MBOAT1: variants seen among roughly 807,000 people sequenced by gnomAD.
The protein encoded by MBOAT1 is membrane bound glycerophospholipid O-acyltransferase 1.
MBOAT1 carries 67 observed loss-of-function variants against 64.4 expected under a neutral mutation model. The ratio of observed to expected loss-of-function variants is 1.04; its 90% CI spans 0.85 to 1.27. The LOEUF is 1.27. Ranked by LOEUF, MBOAT1 falls within the 50% of genes most tolerant of loss-of-function variation. MBOAT1 has a pLI of 0.00. For synonymous variants in MBOAT1, 229 were observed against 218.9 expected (o/e 1.05, Z -0.41); for missense variants, 563 against 604.6 (o/e 0.93, Z 0.72).
At chr6:20,201,575 G>T (rs1177557044) in intron 1 of MBOAT1, among the ~76,000 whole-genome samples, 2 of 149,212 alleles carry the variant, frequency 1.3e-5, no homozygotes, top group African/African-American at 5.0e-5. Flanking sequence ...TATCTAATCA[G>T]ATAAGTGATT....
intron 4 of MBOAT1, among the ~76,000 whole-genome samples, chr6:20,140,716 T>C (rs1761144582): frequency 6.6e-6 from 1 of 152,306 alleles, no homozygotes; most frequent in African/African-American, 2.4e-5. Context: ...AGCTCACAGA[T>C]GGCAGATGGT....
chr6:20,114,318 TA>T (rs1760257483), intron 10 of MBOAT1, among the ~76,000 whole-genome samples: 1 of 152,206 alleles, frequency 6.6e-6, no homozygotes, highest in Non-Finnish European at 1.5e-5. Context: ...TATCACTAGG[TA>T]GAAGAGCTTG....
At chr6:20,104,446 A>T (rs943441091) in intron 12 of MBOAT1, among the ~76,000 whole-genome samples, 1 of 152,234 alleles carries the variant, frequency 6.6e-6, no homozygotes, top group Non-Finnish European at 1.5e-5. Context: ...TAAAAAAAAC[A>T]AGTTTTGCTT....
rs1763471724 is a variant in MBOAT1, at chr6:20,212,462, T to G, written c.-228A>C. Reference sequence around the variant, plus strand: ...GCTGGCGCTGCAGCCACGGGCGCCGTAGGAGGGCCGGGCCCAAGGCGCCCC... The same window carrying G: ...GCTGGCGCTGCAGCCACGGGCGCCGGAGGAGGGCCGGGCCCAAGGCGCCCC... On this transcript the variant is annotated 5_prime_UTR_variant, in exon 1 of 13. Transcript: ENST00000324607. The G allele has an allele frequency of 9.2e-6, 5 of 543,092 alleles. No homozygotes were observed. Among genetic ancestry groups the G allele is most frequent in the Non-Finnish European group, 1.6e-5 (5 of 307,676 alleles). 33.6% of individuals were successfully genotyped at this position (543,092 alleles called of 1,614,324 possible). A position where few individuals can be genotyped will look rare whatever the true frequency, so the allele number is the denominator to read the frequency against.
chr6:20,195,066 C>T (rs2328394), intron 1 of MBOAT1, among the ~76,000 whole-genome samples: 61,690 of 151,788 alleles, frequency 0.41, 14,911 homozygotes, highest in Non-Finnish European at 0.52. Flanking sequence ...AATCCTCCCA[C>T]CATGGCCTCC....
chr6:20,152,728 A>C lies in MBOAT1; in HGVS notation c.141T>G (p.Ala47=), dbSNP rs1349393717. 2 of 1,612,566 alleles carry C rather than the reference A, an allele frequency of 1.2e-6. No individual in the cohort carries two copies. Among genetic ancestry groups the C allele is most frequent in the Non-Finnish European group, 1.7e-6 (2 of 1,178,888 alleles). ...GACGTAAGTAGATGCGAAACCAGAAAGCAGCAAACAGAGCAACAAGCTGGC... is the reference window on the plus strand; with the variant it reads ...GACGTAAGTAGATGCGAAACCAGAACGCAGCAAACAGAGCAACAAGCTGGC... ...VVCQLVALFA[A]FWFRIYLRPG... Residue 47 remains alanine, a synonymous_variant, in exon 2 of 13, where the codon GCT becomes GCG. Coordinates refer to ENST00000324607, the MANE Select transcript of MBOAT1 (RefSeq NM_001080480.3).
chr6:20,190,776 C>G (rs1412694496), intron 1 of MBOAT1, among the ~76,000 whole-genome samples: 1 of 151,802 alleles, frequency 6.6e-6, no homozygotes, highest in African/African-American at 2.4e-5. Flanking sequence ...AGCAGAACTT[C>G]GGGCAGATAG....
intron 1 of MBOAT1, among the ~76,000 whole-genome samples, chr6:20,163,923 G>A (rs1287664284): frequency 6.6e-6 from 1 of 152,084 alleles, no homozygotes; most frequent in East Asian, 1.9e-4. Context: ...TGAATAAGGA[G>A]GTGGAATGTT....
chr6:20,146,427 G>T (rs1761327833), intron 3 of MBOAT1, among the ~76,000 whole-genome samples: 1 of 152,182 alleles, frequency 6.6e-6, no homozygotes, highest in Non-Finnish European at 1.5e-5. Context: ...ATGCAGAAAA[G>T]ATTTTTTCTC....
At chr6:20,208,573 G>A (rs1364132583) in intron 1 of MBOAT1, among the ~76,000 whole-genome samples, 3 of 152,058 alleles carry the variant, frequency 2.0e-5, no homozygotes, top group Non-Finnish European at 4.4e-5. Context: ...TGTAAATGGT[G>A]ACACAAGCTT....
At chr6:20,181,552 C>A (rs1762509435) in intron 1 of MBOAT1, among the ~76,000 whole-genome samples, 1 of 152,244 alleles carries the variant, frequency 6.6e-6, no homozygotes, top group African/African-American at 2.4e-5. Flanking sequence ...GAGAGCCTCT[C>A]TCTGACTTCA....
chr6:20,149,933 A>G (rs1761440322), intron 3 of MBOAT1, among the ~76,000 whole-genome samples: 1 of 152,246 alleles, frequency 6.6e-6, no homozygotes, highest in South Asian at 2.1e-4. Context: ...ATATCTTTTA[A>G]AAGTAATTCA....
At chr6:20,113,277 A>G (rs1431994338) in intron 10 of MBOAT1, among the ~76,000 whole-genome samples, 1 of 152,206 alleles carries the variant, frequency 6.6e-6, no homozygotes. Context: ...ATCTGGACCC[A>G]TCACACTGTA....
chr6:20,153,601 C>T (rs574440685), intron 1 of MBOAT1, among the ~76,000 whole-genome samples: 1 of 152,214 alleles, frequency 6.6e-6, no homozygotes, highest in Non-Finnish European at 1.5e-5. Flanking sequence ...GGACTTACAA[C>T]AATGTCTCAT....
Position 20,102,247 on chromosome 6 carries a change from C to G in MBOAT1, c.*39G>C, listed in dbSNP as rs961154801. On this transcript the variant is annotated 3_prime_UTR_variant, in exon 13 of 13. Coordinates refer to ENST00000324607, the MANE Select transcript of MBOAT1 (RefSeq NM_001080480.3). ...AAGCCTTGTCATCTCATCTTTCGAA[C>G]GTTCTGCAGTTTTGCTTGTTCCGCT... 5 of 1,595,676 alleles carry G rather than the reference C, an allele frequency of 3.1e-6. No individual in the cohort carries two copies. The highest frequency in any genetic ancestry group is 1.7e-5 in the Admixed American group (1 of 58,126).
intron 1 of MBOAT1, among the ~76,000 whole-genome samples, chr6:20,193,106 C>T (rs567908578): frequency 7.0e-6 from 1 of 143,634 alleles, no homozygotes. Context: ...CCCGGGTTCA[C>T]GCCATTCTCC....
chr6:20,117,135 G>A lies in MBOAT1; in HGVS notation c.1011+1302C>T, dbSNP rs553035467. 7.2e-5 allele frequency among the ~76,000 whole-genome samples: 11 copies of A among 152,248 alleles called. No individual in the cohort carries two copies. In the East Asian group the frequency reaches 7.7e-4, roughly 11 times the overall value. On this transcript the variant is annotated intron_variant, in intron 9 of 12. Coordinates refer to ENST00000324607, the MANE Select transcript of MBOAT1 (RefSeq NM_001080480.3). Reference sequence around the variant, plus strand: ...GACTGCTTCTTGCCTCACAAGCAGCGACCAATAGTAAAAACATTATTTGTT... The same window carrying A: ...GACTGCTTCTTGCCTCACAAGCAGCAACCAATAGTAAAAACATTATTTGTT...
At chr6:20,154,105 G>A (rs1189274615) in intron 1 of MBOAT1, among the ~76,000 whole-genome samples, 2 of 152,232 alleles carry the variant, frequency 1.3e-5, no homozygotes, top group East Asian at 3.8e-4. Context: ...CATTACGGCT[G>A]AGCTGGGAGG....
At chr6:20,195,012 C>G (rs112574912) in intron 1 of MBOAT1, among the ~76,000 whole-genome samples, 7 of 151,704 alleles carry the variant, frequency 4.6e-5, no homozygotes, top group African/African-American at 1.7e-4. Context: ...AGTGCAGTGG[C>G]TCAATCATGG....
Sources: allele counts gnomAD v4.1 joint callset (sites outside exome capture counted in the v4.1 genomes callset), GRCh38; gene constraint gnomAD v4.1.1; transcripts MANE v1.5; gene names NCBI Gene and HGNC (gene_info 2026-07-23, HGNC 2026-07-21).